AUH: variants seen among roughly 807,000 people sequenced by gnomAD.
The protein encoded by AUH is methylglutaconyl-CoA hydratase, mitochondrial.
Under a neutral mutation model 42.3 loss-of-function variants are expected in AUH, and 29 were observed. The ratio of observed to expected loss-of-function variants is 0.69; its 90% CI spans 0.51 to 0.93. The LOEUF (loss-of-function observed/expected upper bound fraction) is 0.93, where lower values mean the gene tolerates loss of function less well. AUH is among the 40% of genes least tolerant of loss of function. The pLI is 0.00. For missense variants in AUH, 452 were observed against 438.1 expected (o/e 1.03, Z -0.28); for synonymous variants, 174 against 166.4 (o/e 1.05, Z -0.35).
At chr9:91,331,258 T>TA (rs1264608381) in intron 3 of AUH, among the ~76,000 whole-genome samples, 1 of 152,182 alleles carries the variant, frequency 6.6e-6, no homozygotes, top group Admixed American at 6.5e-5. Flanking sequence ...AGACGGGTAT[T>TA]AAAGGTGGTG....
At chr9:91,214,551 TCTC>T (rs1826716362) in intron 9 of AUH, 126 bp from the exon 10 acceptor site, 1 of 751,660 alleles carries the variant, frequency 1.3e-6, no homozygotes, top group Non-Finnish European at 2.1e-6. Flanking sequence ...CCTGAACAAT[TCTC>T]CTAATTATGT....
intron 6 of AUH, among the ~76,000 whole-genome samples, chr9:91,295,046 T>C (rs1474199072): frequency 6.6e-6 from 1 of 152,172 alleles, no homozygotes; most frequent in Non-Finnish European, 1.5e-5. Flanking sequence ...CATACTATTC[T>C]CGTCGTGGTG....
At chr9:91,337,642 C>T (rs1221411120) in intron 3 of AUH, among the ~76,000 whole-genome samples, 2 of 152,156 alleles carry the variant, frequency 1.3e-5, no homozygotes, top group African/African-American at 4.8e-5. Context: ...GAGTAAACTA[C>T]AGGAATTTCA....
At chr9:91,339,612 G>T (rs1830953568) in intron 3 of AUH, among the ~76,000 whole-genome samples, 1 of 152,102 alleles carries the variant, frequency 6.6e-6, no homozygotes, top group Non-Finnish European at 1.5e-5. Context: ...TATTTCTTAG[G>T]TCTGTCTTGA....
intron 3 of AUH, among the ~76,000 whole-genome samples, chr9:91,350,498 C>A (rs1831881753): frequency 6.6e-6 from 1 of 152,200 alleles, no homozygotes; most frequent in African/African-American, 2.4e-5. Context: ...GTGGCTCGCG[C>A]CTGTAATCCC....
intron 6 of AUH, among the ~76,000 whole-genome samples, chr9:91,233,609 T>C (rs1828014172): frequency 1.3e-5 from 2 of 152,302 alleles, no homozygotes; most frequent in Admixed American, 6.5e-5. Context: ...GCGTATGCCA[T>C]AAACAATGTG....
At chr9:91,350,567 T>A (rs908226719) in intron 3 of AUH, among the ~76,000 whole-genome samples, 1 of 152,166 alleles carries the variant, frequency 6.6e-6, no homozygotes, top group Admixed American at 6.5e-5. Flanking sequence ...AAAACCAGCC[T>A]GGCCAACATG....
intron 6 of AUH, among the ~76,000 whole-genome samples, chr9:91,244,208 T>C (rs924816116): frequency 6.6e-6 from 1 of 152,230 alleles, no homozygotes; most frequent in Non-Finnish European, 1.5e-5. Flanking sequence ...AATGAATGTA[T>C]TCACCAACAA....
chr9:91,257,253 T>A (rs966608718), intron 6 of AUH, among the ~76,000 whole-genome samples: 3 of 152,032 alleles, frequency 2.0e-5, no homozygotes, highest in African/African-American at 7.3e-5. Context: ...GCTAGTAGTC[T>A]CTGCCACAGA....
At chr9:91,318,468 C>T (rs73651417) in intron 4 of AUH, among the ~76,000 whole-genome samples, 73 of 152,274 alleles carry the variant, frequency 4.8e-4, no homozygotes, top group African/African-American at 1.7e-3. Flanking sequence ...TGCTTTCATG[C>T]CTGATGCACA....
chr9:91,323,158 A>G (rs1397918332), intron 4 of AUH, among the ~76,000 whole-genome samples: 5 of 152,222 alleles, frequency 3.3e-5, no homozygotes, highest in Admixed American at 2.6e-4. Flanking sequence ...GCCTGAACCA[A>G]TATGAAAAAA....
intron 6 of AUH, among the ~76,000 whole-genome samples, chr9:91,232,908 A>G (rs1827968472): frequency 6.6e-6 from 1 of 152,266 alleles, no homozygotes; most frequent in Admixed American, 6.5e-5. Flanking sequence ...AACAGAATTT[A>G]CATAACCAAG....
chr9:91,342,709 T>C (rs572204779), intron 3 of AUH: 1 of 152,314 alleles, frequency 6.6e-6, no homozygotes, highest in Admixed American at 6.5e-5. Context: ...CAATCAATCA[T>C]TACTTACACA....
At chr9:91,353,367 G>A (rs946696330) in intron 3 of AUH, among the ~76,000 whole-genome samples, 5 of 152,078 alleles carry the variant, frequency 3.3e-5, no homozygotes, top group African/African-American at 1.2e-4. Flanking sequence ...TTACAGGCAT[G>A]AGCCACCGCG....
chr9:91,315,236 G>A (rs1829064030), intron 4 of AUH, among the ~76,000 whole-genome samples: 1 of 152,202 alleles, frequency 6.6e-6, no homozygotes. Flanking sequence ...ACCGCGCCCA[G>A]CCCTCTGTTT....
intron 6 of AUH, among the ~76,000 whole-genome samples, chr9:91,266,409 A>G (rs1829982144): frequency 6.6e-6 from 1 of 151,970 alleles, no homozygotes; most frequent in Non-Finnish European, 1.5e-5. Flanking sequence ...AAAATAAAGG[A>G]AAGTTACAAT....
At chr9:91,351,908 G>A (rs926928366) in intron 3 of AUH, among the ~76,000 whole-genome samples, 2 of 152,150 alleles carry the variant, frequency 1.3e-5, no homozygotes, top group South Asian at 4.1e-4. Context: ...ATTGAATGCT[G>A]TAGGTAACTG....
chr9:91,272,462 T>C (rs1825218390), intron 6 of AUH, among the ~76,000 whole-genome samples: 1 of 152,218 alleles, frequency 6.6e-6, no homozygotes, highest in African/African-American at 2.4e-5. Context: ...CCGAGAGCAC[T>C]GTGCGTTTGC....
chr9:91,249,632 T>C (rs1829012025), intron 6 of AUH, among the ~76,000 whole-genome samples: 1 of 152,184 alleles, frequency 6.6e-6, no homozygotes, highest in East Asian at 1.9e-4. Context: ...CAGGTAAAAG[T>C]ACACTTAAAG....
Sources: allele counts gnomAD v4.1 joint callset (sites outside exome capture counted in the v4.1 genomes callset), GRCh38; gene constraint gnomAD v4.1.1; transcripts MANE v1.5; gene names NCBI Gene and HGNC (gene_info 2026-07-23, HGNC 2026-07-21).